The following INPP5F variants were observed in gnomAD, a reference collection of about 807,000 sequenced individuals.
INPP5F encodes inositol polyphosphate-5-phosphatase F.
INPP5F carries 97 observed loss-of-function variants against 137.2 expected under a neutral mutation model. The ratio of observed to expected loss-of-function variants is 0.71; its 90% CI spans 0.60 to 0.84. The LOEUF (loss-of-function observed/expected upper bound fraction) is 0.84. INPP5F is among the 40% of genes least tolerant of loss of function. The pLI is 0.00. For missense variants in INPP5F, 1,271 were observed against 1,371.9 expected, an observed-to-expected ratio of 0.93 and a Z score of 1.16; for synonymous variants, 504 against 476.9, an observed-to-expected ratio of 1.06 and a Z score of -0.74.
chr10:119,743,075 G>A (rs905271734), intron 1 of INPP5F, among the ~76,000 whole-genome samples: 1 of 152,196 alleles, frequency 6.6e-6, no homozygotes, highest in Non-Finnish European at 1.5e-5. Context: ...GCAGTGTTGG[G>A]CAGTTACTTT....
chr10:119,729,638 G>A (rs56340602), intron 1 of INPP5F, among the ~76,000 whole-genome samples: 36,893 of 150,190 alleles, frequency 0.25, 5,033 homozygotes, highest in East Asian at 0.46. Context: ...GTGCAGTGGC[G>A]TGATCATGGC....
intron 2 of INPP5F, among the ~76,000 whole-genome samples, chr10:119,763,774 G>C (rs909862494): frequency 8.5e-5 from 13 of 152,120 alleles, no homozygotes; most frequent in Non-Finnish European, 1.9e-4. Flanking sequence ...TTAAGTCATA[G>C]CTCTCTTCTC....
intron 18 of INPP5F, among the ~76,000 whole-genome samples, chr10:119,823,527 C>G (rs938282502): frequency 1.3e-5 from 2 of 152,216 alleles, no homozygotes; most frequent in Admixed American, 6.5e-5. Flanking sequence ...CTGTCTCATT[C>G]ATGGCTGTTG....
chr10:119,726,280 C>T lies in INPP5F; in HGVS notation c.18C>T (p.Ala6=), dbSNP rs1422542462. The T allele has an allele frequency of 3.4e-6, 5 of 1,490,722 alleles. No individual in the cohort carries two copies. Among genetic ancestry groups the T allele is most frequent in the Middle Eastern group, 1.8e-4 (1 of 5,600 alleles). The allele number at this position is 1,490,722 out of a possible 1,614,324, so 92.3% of individuals were successfully genotyped here. A position where few individuals can be genotyped will look rare whatever the true frequency, so the allele number is the denominator to read the frequency against. Residue 6 remains alanine, a synonymous_variant, in exon 1 of 20, where the codon GCC becomes GCT. Coordinates refer to ENST00000650623, the MANE Select transcript of INPP5F (RefSeq NM_014937.4). MELFQ[A]KDHYILQQGE... The stretch of plus-strand genomic sequence containing the variant: ...GGGCCAGCATGGAGCTCTTCCAAGC[C>T]AAGGACCACTACATCCTGCAGCAGG...
At position 119,797,847 on chromosome 10, in the gene INPP5F, C is replaced by T. The variant is rs910653603; in HGVS notation, c.1048+207C>T. On this transcript the variant is annotated intron_variant, in intron 8 of 19. Transcript: ENST00000650623. ...ATTTATTTAACAATAAAAAATTTCT[C>T]TAACAGTAGAGCAAAACGGCTTACC... Among the ~76,000 whole-genome samples the T allele has an allele frequency of 1.9e-4, 29 of 152,172 alleles. 1 individual carries two copies. The highest frequency in any genetic ancestry group is 6.8e-4 in the African/African-American group (28 of 41,456).
At position 119,822,448 on chromosome 10, in the gene INPP5F, ATAAAG is replaced by A. The variant is rs1554896871; in HGVS notation, c.1981_1985del (p.Val661ProfsTer14). On this transcript the variant is annotated frameshift_variant, in exon 17 of 20. Transcript: ENST00000650623. LOFTEE classifies it high-confidence loss of function. Reference sequence around the variant, plus strand: ...TTATCTAGTTATGATGATGAAGTTGATAAAGTAAACCAGTATCAACGACTAAGTCT... The same window carrying A: ...TTATCTAGTTATGATGATGAAGTTGATAAACCAGTATCAACGACTAAGTCT... 6.6e-7 allele frequency: 1 copy of A among 1,524,830 alleles called. No individual in the cohort carries two copies. The highest frequency in any genetic ancestry group is 9.0e-7 in the Non-Finnish European group (1 of 1,113,728). The allele number at this position is 1,524,830 out of a possible 1,614,324, so 94.5% of individuals were successfully genotyped here.
intron 1 of INPP5F, among the ~76,000 whole-genome samples, chr10:119,735,985 G>T (rs61867877): frequency 0.044 from 6,622 of 152,182 alleles, 238 homozygotes; most frequent in South Asian, 0.22. Flanking sequence ...CAAAAATTAG[G>T]CGGGTGTGGT....
intron 2 of INPP5F, among the ~76,000 whole-genome samples, chr10:119,771,108 C>T (rs564683787): frequency 1.3e-5 from 2 of 152,278 alleles, no homozygotes; most frequent in Admixed American, 1.3e-4. Flanking sequence ...CTCATTACCC[C>T]TACACCAGCT....
At position 119,805,438 on chromosome 10, in the gene INPP5F, T is replaced by C; in HGVS notation, c.1296T>C (p.Ile432=). The C allele has an allele frequency of 6.2e-7, 1 of 1,611,450 alleles. No homozygotes were observed. Among genetic ancestry groups the C allele is most frequent in the Non-Finnish European group, 8.5e-7 (1 of 1,177,632 alleles). The change falls in exon 11 of 20, where the codon ATT becomes ATC. Residue 432 remains isoleucine, a synonymous_variant. Coordinates refer to ENST00000650623, the MANE Select transcript of INPP5F (RefSeq NM_014937.4). ...CACTAACAGATGCCATTTATGACAT[T>C]ATTCTTGATATGAAGTGGTGTTGGT... ...VQTLTDAIYD[I]ILDMKWCWVD...
At chr10:119,765,459 C>T (rs553549928) in intron 2 of INPP5F, among the ~76,000 whole-genome samples, 2 of 152,054 alleles carry the variant, frequency 1.3e-5, no homozygotes, top group Admixed American at 6.5e-5. Flanking sequence ...ACAGCCTCGA[C>T]TGCCTAGGTT....
intron 2 of INPP5F, among the ~76,000 whole-genome samples, chr10:119,777,483 G>A (rs1422261344): frequency 2.6e-5 from 4 of 152,088 alleles, no homozygotes; most frequent in African/African-American, 7.3e-5. Flanking sequence ...CCGAGATTGC[G>A]CCACCGCACT....
At chr10:119,811,664 A>G (rs549702478) in intron 14 of INPP5F, 93 bp from the exon 15 acceptor site, 1 of 971,554 alleles carries the variant, frequency 1.0e-6, no homozygotes, top group South Asian at 1.7e-5. Flanking sequence ...TTCTTCCAAG[A>G]GCTTTACAGT....
intron 16 of INPP5F, among the ~76,000 whole-genome samples, chr10:119,821,393 TATG>T (rs1018509328): frequency 1.3e-5 from 2 of 151,846 alleles, no homozygotes; most frequent in African/African-American, 4.8e-5. Context: ...GTTACAAGGG[TATG>T]ATGAATTATG....
intron 16 of INPP5F, 22 bp downstream of exon 16, chr10:119,820,939 A>C (rs1159802307): frequency 5.4e-6 from 8 of 1,493,712 alleles, no homozygotes; most frequent in Non-Finnish European, 7.4e-6. Context: ...ATTGATTTAA[A>C]GGTTTTGATT....
At chr10:119,742,209 G>A (rs898556832) in intron 1 of INPP5F, among the ~76,000 whole-genome samples, 7 of 151,600 alleles carry the variant, frequency 4.6e-5, no homozygotes, top group Admixed American at 1.3e-4. Flanking sequence ...AGGCTGGAGT[G>A]CAGTGGCGCG....
In INPP5F at chr10:119,827,019, G is replaced by A; in HGVS notation, c.2638G>A (p.Glu880Lys). The A allele has an allele frequency of 1.2e-6, 2 of 1,614,150 alleles. No homozygotes were observed. The highest frequency in any genetic ancestry group is 1.1e-5 in the South Asian group (1 of 91,088). ...AGACAGGCAGCTAGCTAACTCATTA[G>A]AGAGTGTAGGGCCAATAGATTACGT... is the stretch of plus-strand genomic sequence containing the variant. ...DEDRQLANSL[E>K]SVGPIDYVLP... The change falls in exon 20 of 20, where the codon GAG becomes AAG. Residue 880 changes from glutamate to lysine, a missense_variant. Physicochemically the swap from Glu to Lys is moderately conservative, Grantham distance 56. Coordinates refer to ENST00000650623, the MANE Select transcript of INPP5F (RefSeq NM_014937.4).
rs891265799 is a variant in INPP5F at position 119,822,047 on chromosome 10, C to T, written c.1959-384C>T. ...CTGGGATTACAGGCGCCTGCCACGA[C>T]GCCCAGCTAATTTTGTATTTTTAGT... On this transcript the variant is annotated intron_variant, in intron 16 of 19. Transcript: ENST00000650623. Among the ~76,000 whole-genome samples the T allele has an allele frequency of 7.2e-5, 11 of 151,910 alleles. 1 individual carries two copies. Among genetic ancestry groups the T allele is most frequent in the Admixed American group, 4.6e-4 (7 of 15,266 alleles).
chr10:119,783,862 G>A (rs571853264), intron 3 of INPP5F, among the ~76,000 whole-genome samples: 88 of 152,292 alleles, frequency 5.8e-4, no homozygotes, highest in African/African-American at 2.0e-3. Flanking sequence ...CGTGGTTCAC[G>A]TTAAGAGTTG....
chr10:119,784,811 CA>C (rs1849823052), intron 3 of INPP5F, among the ~76,000 whole-genome samples: 1 of 152,188 alleles, frequency 6.6e-6, no homozygotes, highest in Non-Finnish European at 1.5e-5. Context: ...AACCTTTCAT[CA>C]TCCCCCGAAA....
Sources: gnomAD v4.1 joint callset for allele counts (sites outside exome capture counted in the v4.1 genomes callset) on GRCh38, gnomAD v4.1.1 for gene constraint, MANE v1.5 for transcripts, NCBI Gene and HGNC (gene_info 2026-07-23, HGNC 2026-07-21) for gene names.